PPFIA2: variants seen among roughly 807,000 people sequenced by gnomAD.
PPFIA2 encodes liprin-alpha-2.
In PPFIA2, 46 loss-of-function variants were observed where a neutral mutation model predicts 175.5. That is an observed-to-expected ratio of 0.26 (90% CI 0.21 to 0.34). The LOEUF (loss-of-function observed/expected upper bound fraction) is 0.34, where lower values mean the gene tolerates loss of function less well. Ranked by LOEUF, PPFIA2 falls within the 10% of genes least tolerant of loss-of-function variation. The pLI, the probability that PPFIA2 is intolerant of heterozygous loss-of-function variation, is 1.00. For missense variants in PPFIA2, 1,179 were observed against 1,506.1 expected, an observed-to-expected ratio of 0.78 and a Z score of 3.60; for synonymous variants, 568 against 511.4, an observed-to-expected ratio of 1.11 and a Z score of -1.49.
At chr12:81,505,300 G>A (rs2147567233) in intron 4 of PPFIA2, among the ~76,000 whole-genome samples, 1 of 151,280 alleles carries the variant, frequency 6.6e-6, no homozygotes, top group African/African-American at 2.4e-5. Context: ...GAAAAGGGAA[G>A]AAAGGGCCAA....
chr12:81,754,248 G>C (rs1377686034), intron 2 of PPFIA2, 25 bp from the exon 3 acceptor site: 1 of 1,563,192 alleles, frequency 6.4e-7, no homozygotes, highest in Non-Finnish European at 8.7e-7. Context: ...GTGGGAAGGA[G>C]TCTTAGTAAA....
At chr12:81,285,493 C>A (rs2043103310) in intron 24 of PPFIA2, among the ~76,000 whole-genome samples, 1 of 151,968 alleles carries the variant, frequency 6.6e-6, no homozygotes, top group Admixed American at 6.6e-5. Context: ...TAAGTGAAAT[C>A]TTATATATGT....
At chr12:81,311,392 T>C (rs2050746906) in intron 22 of PPFIA2, among the ~76,000 whole-genome samples, 1 of 152,130 alleles carries the variant, frequency 6.6e-6, no homozygotes, top group Non-Finnish European at 1.5e-5. Flanking sequence ...GTTCTATTCA[T>C]TGATGAATAA....
At chr12:81,742,044 T>C in intron 3 of PPFIA2, among the ~76,000 whole-genome samples, 1 of 152,126 alleles carries the variant, frequency 6.6e-6, no homozygotes, top group Admixed American at 6.5e-5. Context: ...CAGCAGTCCC[T>C]AAGGCAGTTG....
rs1423323620 is a variant in PPFIA2, at chr12:81,259,410, A to G, written c.*284T>C. On this transcript the variant is annotated 3_prime_UTR_variant, in exon 33 of 33. Coordinates refer to ENST00000549396, the MANE Select transcript of PPFIA2 (RefSeq NM_003625.5). ...CATGAAAAACAACTGGCTTCATTTCATAAAAGCATCTGTTGTACAGAGTTT... is the reference window on the plus strand; with the variant it reads ...CATGAAAAACAACTGGCTTCATTTCGTAAAAGCATCTGTTGTACAGAGTTT... 4.3e-5 allele frequency: 28 copies of G among 655,688 alleles called. No individual in the cohort carries two copies. The East Asian group carries it at 8.1e-4, about 19-fold the overall frequency. The allele number at this position is 655,688 out of a possible 1,614,324, so 40.6% of individuals were successfully genotyped here. A position where few individuals can be genotyped will look rare whatever the true frequency, so the allele number is the denominator to read the frequency against.
intron 4 of PPFIA2, among the ~76,000 whole-genome samples, chr12:81,499,635 CT>C (rs1314408196): frequency 6.6e-6 from 1 of 151,466 alleles, no homozygotes; most frequent in Non-Finnish European, 1.5e-5. Context: ...GTATCATTTT[CT>C]CTATTTGACT....
intron 3 of PPFIA2, among the ~76,000 whole-genome samples, chr12:81,724,732 G>T (rs1489557937): frequency 6.6e-6 from 1 of 150,834 alleles, no homozygotes; most frequent in Non-Finnish European, 1.5e-5. Context: ...GTCATCTATT[G>T]ATGGGCACTT....
At position 81,353,349 on chromosome 12, in the gene PPFIA2, G is replaced by A. The variant is rs770363280; in HGVS notation, c.1774-10C>T. ...CCCCAAGAGATTTCACCTGAATGGTGAATGAAAAAATGCAGAATATTTATC... is the reference window on the plus strand; with the variant it reads ...CCCCAAGAGATTTCACCTGAATGGTAAATGAAAAAATGCAGAATATTTATC... On this transcript the variant is annotated splice_polypyrimidine_tract_variant and intron_variant, in intron 16 of 32. Coordinates refer to ENST00000549396, the MANE Select transcript of PPFIA2 (RefSeq NM_003625.5). 1 of 1,587,574 alleles carries A rather than the reference G, an allele frequency of 6.3e-7. No individual in the cohort carries two copies.
chr12:81,259,923 T>C, intron 32 of PPFIA2: 1 of 320,772 alleles, frequency 3.1e-6, no homozygotes, highest in East Asian at 4.9e-5. Flanking sequence ...AAGGTAGTTA[T>C]GCAAAATGTT....
chr12:81,307,816 T>G (rs1324168571), intron 22 of PPFIA2, among the ~76,000 whole-genome samples: 1 of 152,204 alleles, frequency 6.6e-6, no homozygotes, highest in Non-Finnish European at 1.5e-5. Context: ...TCTGCTCAAC[T>G]AACACAAATA....
At chr12:81,418,037 G>T (rs1207422658) in intron 7 of PPFIA2, among the ~76,000 whole-genome samples, 2 of 151,682 alleles carry the variant, frequency 1.3e-5, no homozygotes, top group African/African-American at 2.4e-5. Flanking sequence ...GTTTTACGTT[G>T]TTTGAATGTA....
chr12:81,482,019 T>A (rs1478021688), intron 4 of PPFIA2, among the ~76,000 whole-genome samples: 3 of 152,052 alleles, frequency 2.0e-5, no homozygotes, highest in Non-Finnish European at 2.9e-5. Flanking sequence ...ATCCAGAATC[T>A]ACAAAGAACT....
intron 3 of PPFIA2, among the ~76,000 whole-genome samples, chr12:81,691,911 G>GA (rs2075287668): frequency 6.6e-6 from 1 of 151,940 alleles, no homozygotes; most frequent in East Asian, 1.9e-4. Flanking sequence ...ACTCTAAAAT[G>GA]GTTCCTAGTG....
At chr12:81,454,704 T>A (rs2053265804) in intron 5 of PPFIA2, among the ~76,000 whole-genome samples, 1 of 152,162 alleles carries the variant, frequency 6.6e-6, no homozygotes. Context: ...CACACATGGT[T>A]TCATGGACTG....
intron 7 of PPFIA2, chr12:81,430,075 T>C (rs1013393437): frequency 2.6e-5 from 4 of 152,116 alleles, no homozygotes; most frequent in African/African-American, 9.7e-5. Context: ...CATTCATCAC[T>C]ACACTACATG....
At position 81,566,879 on chromosome 12, in the gene PPFIA2, T is replaced by A. The variant is rs116804964; in HGVS notation, c.304-109013A>T. On this transcript the variant is annotated intron_variant, in intron 4 of 32. Coordinates refer to ENST00000549396, the MANE Select transcript of PPFIA2 (RefSeq NM_003625.5). The stretch of plus-strand genomic sequence containing the variant: ...ATGTTTATACACTGACATAGATGTA[T>A]ATCAGTACTCAACTGTACATACGTG... Among the ~76,000 whole-genome samples, 639 of 152,370 alleles carry A rather than the reference T, an allele frequency of 4.2e-3. 3 individuals are homozygous for A. The highest frequency in any genetic ancestry group is 0.014 in the African/African-American group (602 of 41,578).
At chr12:81,479,661 T>G (rs984185223) in intron 4 of PPFIA2, among the ~76,000 whole-genome samples, 14 of 152,196 alleles carry the variant, frequency 9.2e-5, no homozygotes, top group African/African-American at 3.4e-4. Flanking sequence ...CTGTAAAGGA[T>G]TTTATTTTTC....
chr12:81,403,860 G>A (rs2042466191), intron 8 of PPFIA2, among the ~76,000 whole-genome samples: 1 of 152,146 alleles, frequency 6.6e-6, no homozygotes. Flanking sequence ...AACTCCAGAA[G>A]CATGCCAGTG....
rs376392700 is a variant in PPFIA2, at chr12:81,674,322, A to G, written c.303+2469T>C. Among the ~76,000 whole-genome samples, 13 of 152,202 alleles carry G rather than the reference A, an allele frequency of 8.5e-5. No homozygotes were observed. The East Asian group carries it at 1.4e-3, about 16-fold the overall frequency. On this transcript the variant is annotated intron_variant, in intron 4 of 32. Coordinates refer to ENST00000549396, the MANE Select transcript of PPFIA2 (RefSeq NM_003625.5). ...TGAATTTCTTACCAATGAAAACATC[A>G]TCATAGAATGGTTTCTAGAAAAAGC...
Sources: allele counts gnomAD v4.1 joint callset (sites outside exome capture counted in the v4.1 genomes callset), GRCh38; gene constraint gnomAD v4.1.1; transcripts MANE v1.5; gene names NCBI Gene and HGNC (gene_info 2026-07-23, HGNC 2026-07-21).